The following OLFM3 variants were observed in gnomAD, a reference collection of about 807,000 sequenced individuals.
OLFM3 encodes the protein noelin-3.
Under a neutral mutation model 48.6 loss-of-function variants are expected in OLFM3, and 20 were observed. The ratio of observed to expected loss-of-function variants is 0.41; its 90% confidence interval spans 0.29 to 0.60. The LOEUF (loss-of-function observed/expected upper bound fraction) is 0.60. OLFM3 is among the 20% of genes least tolerant of loss of function. OLFM3 has a pLI of 0.28. For synonymous variants in OLFM3, 222 were observed against 198.1 expected, an observed-to-expected ratio of 1.12 and a Z score of -1.01; for missense variants, 437 against 544.3, an observed-to-expected ratio of 0.80 and a Z score of 1.96.
intron 1 of OLFM3, among the ~76,000 whole-genome samples, chr1:101,882,333 T>A (rs1006726461): frequency 5.8e-4 from 55 of 94,864 alleles, no homozygotes; most frequent in African/African-American, 2.1e-3. Context: ...ATATATATAA[T>A]ATATATATAT....
intron 1 of OLFM3, among the ~76,000 whole-genome samples, chr1:101,904,207 A>T (rs1557724451): frequency 6.6e-6 from 1 of 152,124 alleles, no homozygotes; most frequent in Non-Finnish European, 1.5e-5. Context: ...GTTTAAGATC[A>T]TCAAAAAATA....
intron 1 of OLFM3, among the ~76,000 whole-genome samples, chr1:101,883,972 C>T (rs546136185): frequency 9.2e-5 from 14 of 151,678 alleles, no homozygotes; most frequent in Middle Eastern, 3.4e-3. Flanking sequence ...TGATTCTCAT[C>T]TTTTAAGCCA....
intron 1 of OLFM3, among the ~76,000 whole-genome samples, chr1:101,931,422 C>T (rs1182453792): frequency 6.6e-6 from 1 of 152,130 alleles, no homozygotes; most frequent in Non-Finnish European, 1.5e-5. Flanking sequence ...GCACTGCTAT[C>T]CCATGGTATA....
intron 1 of OLFM3, among the ~76,000 whole-genome samples, chr1:101,923,285 GAATAT>G (rs1659158965): frequency 6.6e-6 from 1 of 152,104 alleles, no homozygotes; most frequent in South Asian, 2.1e-4. Flanking sequence ...ATTTGCTCCC[GAATAT>G]AATATAAGAT....
At chr1:101,944,632 C>T (rs1209187319) in intron 1 of OLFM3, among the ~76,000 whole-genome samples, 4 of 152,140 alleles carry the variant, frequency 2.6e-5, no homozygotes, top group Admixed American at 6.5e-5. Flanking sequence ...GTAATCCCAG[C>T]ACTTTGGGAG....
chr1:101,829,858 G>A (rs530291639), intron 3 of OLFM3, among the ~76,000 whole-genome samples: 89 of 149,866 alleles, frequency 5.9e-4, no homozygotes, highest in African/African-American at 2.1e-3. Context: ...TTTTTGAGAC[G>A]GAGTCTCTCT....
chr1:101,822,287 C>A (rs1446897854), intron 4 of OLFM3, among the ~76,000 whole-genome samples: 1 of 152,040 alleles, frequency 6.6e-6, no homozygotes, highest in Non-Finnish European at 1.5e-5. Context: ...TTGAGCAAAT[C>A]CCAGAAGTTG....
At chr1:101,967,921 G>A (rs1484880097) in intron 1 of OLFM3, among the ~76,000 whole-genome samples, 1 of 151,986 alleles carries the variant, frequency 6.6e-6, no homozygotes, top group Admixed American at 6.6e-5. Context: ...TTTTACCACC[G>A]ACTCTTGTCC....
chr1:101,974,903 G>A (rs1260284860), intron 1 of OLFM3, among the ~76,000 whole-genome samples: 1 of 152,012 alleles, frequency 6.6e-6, no homozygotes, highest in African/African-American at 2.4e-5. Context: ...CATTTTTTTT[G>A]TTGTTGTTCT....
At chr1:101,971,660 C>A (rs945726) in intron 1 of OLFM3, among the ~76,000 whole-genome samples, 1 of 151,930 alleles carries the variant, frequency 6.6e-6, no homozygotes, top group African/African-American at 2.4e-5. Context: ...TTTTGAGGCC[C>A]AATTAGACAA....
chr1:101,990,705 G>A (rs1661373902), intron 1 of OLFM3, among the ~76,000 whole-genome samples: 1 of 151,882 alleles, frequency 6.6e-6, no homozygotes, highest in Non-Finnish European at 1.5e-5. Flanking sequence ...GTTCATGGTG[G>A]CCGGGCGCGG....
intron 1 of OLFM3, among the ~76,000 whole-genome samples, chr1:101,966,348 T>TGTGC (rs779690754): frequency 9.3e-6 from 1 of 107,530 alleles, no homozygotes; most frequent in African/African-American, 3.0e-5. Flanking sequence ...TGTGTGTGTG[T>TGTGC]GTGCGCTACA....
chr1:101,866,747 A>G (rs923726231), intron 1 of OLFM3, among the ~76,000 whole-genome samples: 20 of 152,220 alleles, frequency 1.3e-4, no homozygotes, highest in Non-Finnish European at 2.2e-4. Context: ...AATATGTAAC[A>G]TCACTTATCC....
At chr1:101,921,064 C>T (rs558815078) in intron 1 of OLFM3, among the ~76,000 whole-genome samples, 63 of 152,106 alleles carry the variant, frequency 4.1e-4, no homozygotes, top group African/African-American at 1.3e-3. Context: ...TCCTATTTCA[C>T]TCAGTATTTT....
chr1:101,806,536 G>C (rs151033013), intron 4 of OLFM3, among the ~76,000 whole-genome samples: 1 of 151,872 alleles, frequency 6.6e-6, no homozygotes, highest in African/African-American at 2.4e-5. Context: ...CCATAGACCT[G>C]TTTAGTTGAT....
intron 1 of OLFM3, among the ~76,000 whole-genome samples, chr1:101,928,937 A>G (rs2101046243): frequency 6.6e-6 from 1 of 152,152 alleles, no homozygotes; most frequent in Admixed American, 6.6e-5. Flanking sequence ...TTGTTTTGCA[A>G]CTTTCCTATA....
At chr1:101,806,563 C>T (rs1012905586) in intron 4 of OLFM3, among the ~76,000 whole-genome samples, 7 of 151,696 alleles carry the variant, frequency 4.6e-5, no homozygotes, top group Non-Finnish European at 7.4e-5. Flanking sequence ...AAACTCCTTC[C>T]CTTCCCCTGT....
intron 1 of OLFM3, among the ~76,000 whole-genome samples, chr1:101,857,756 G>C (rs1437722507): frequency 6.6e-6 from 1 of 151,144 alleles, no homozygotes; most frequent in African/African-American, 2.4e-5. Context: ...TCCTTTCTAG[G>C]TGTTCTGCAC....
chr1:101,917,401 G>C (rs1289098889), intron 1 of OLFM3, among the ~76,000 whole-genome samples: 1 of 151,284 alleles, frequency 6.6e-6, no homozygotes, highest in Admixed American at 6.6e-5. Context: ...AAAAATAAAA[G>C]CCATAAATAT....
Sources: gnomAD v4.1 joint callset for allele counts (sites outside exome capture counted in the v4.1 genomes callset) on GRCh38, gnomAD v4.1.1 for gene constraint, MANE v1.5 for transcripts, NCBI Gene and HGNC (gene_info 2026-07-23, HGNC 2026-07-21) for gene names.